The following TYRP1 variants were observed in gnomAD, a reference collection of about 807,000 sequenced individuals.
The protein encoded by TYRP1 is 5,6-dihydroxyindole-2-carboxylic acid oxidase.
A neutral mutation model predicts 42.8 loss-of-function variants in TYRP1; 49 were observed. The ratio of observed to expected loss-of-function variants is 1.14; its 90% CI spans 0.91 to 1.45. TYRP1 has a LOEUF of 1.45. Among genes scored for constraint, TYRP1 ranks in the 40% most tolerant of loss-of-function variants. The pLI is 0.00. For missense variants in TYRP1, 848 were observed against 662.0 expected (o/e 1.28, Z -3.08); for synonymous variants, 279 against 235.4 (o/e 1.19, Z -1.69).
chr9:12,707,003 C>G (rs537428463), intron 6 of TYRP1, among the ~76,000 whole-genome samples: 1 of 151,944 alleles, frequency 6.6e-6, no homozygotes, highest in South Asian at 2.1e-4. Context: ...TTACAGGTTC[C>G]TTTCATTAGA....
At chr9:12,698,144 T>C (rs1818106401) in intron 3 of TYRP1, among the ~76,000 whole-genome samples, 1 of 152,096 alleles carries the variant, frequency 6.6e-6, no homozygotes, top group South Asian at 2.1e-4. Flanking sequence ...ATAACCAATA[T>C]AAATGTAATT....
At chr9:12,699,979 C>T (rs927369272) in intron 4 of TYRP1, 11 of 152,080 alleles carry the variant, frequency 7.2e-5, no homozygotes, top group African/African-American at 2.4e-4. Context: ...AGTCTCCTAA[C>T]TCAGACACAT....
At chr9:12,702,832 CCAAA>C (rs1818194649) in intron 5 of TYRP1, among the ~76,000 whole-genome samples, 1 of 151,648 alleles carries the variant, frequency 6.6e-6, no homozygotes. Context: ...AAAAAAAATT[CCAAA>C]CAATTAGTTG....
chr9:12,708,728 G>GT (rs1818303072), intron 7 of TYRP1, among the ~76,000 whole-genome samples: 1 of 151,924 alleles, frequency 6.6e-6, no homozygotes, highest in South Asian at 2.1e-4. Context: ...AGTGACCTGG[G>GT]TAAGTGACTC....
chr9:12,702,298 A>G lies in TYRP1; in HGVS notation c.941A>G (p.Asn314Ser). 6.2e-7 allele frequency: 1 copy of G among 1,613,072 alleles called. No homozygotes were observed. ...ACCGAGGATGGGCCAATTAGGAGAA[A>G]TCCAGCTGGAAATGTGGCCAGACCA... ...NSTEDGPIRR[N>S]PAGNVARPMV... is the part of the protein sequence containing the mutation. Residue 314 changes from asparagine (N) to serine (S), a missense_variant, in exon 5 of 8, where the codon AAT becomes AGT. Transcript: ENST00000388918.
intron 4 of TYRP1, among the ~76,000 whole-genome samples, chr9:12,699,216 A>G (rs1818126717): frequency 6.6e-6 from 1 of 152,106 alleles, no homozygotes; most frequent in African/African-American, 2.4e-5. Flanking sequence ...GAACACAGTA[A>G]GAGTACGCCT....
chr9:12,698,943 C>T (rs973725846), intron 4 of TYRP1, among the ~76,000 whole-genome samples: 2 of 152,050 alleles, frequency 1.3e-5, no homozygotes, highest in Non-Finnish European at 2.9e-5. Flanking sequence ...GTTGTATAAA[C>T]TAATCCTCTT....
chr9:12,704,234 C>A (rs1818222112), intron 5 of TYRP1, among the ~76,000 whole-genome samples: 1 of 151,896 alleles, frequency 6.6e-6, no homozygotes, highest in Admixed American at 6.6e-5. Flanking sequence ...CAATGTCTGC[C>A]TTGTCAAATA....
chr9:12,707,893 T>C (rs1818284494), intron 6 of TYRP1, 104 bp from the exon 7 acceptor site: 1 of 1,144,982 alleles, frequency 8.7e-7, no homozygotes. Flanking sequence ...AAGAATAAAA[T>C]TTTTTCAGGT....
chr9:12,706,646 T>C (rs1490057854), intron 6 of TYRP1, among the ~76,000 whole-genome samples: 1 of 152,024 alleles, frequency 6.6e-6, no homozygotes. Flanking sequence ...TGTAAACACT[T>C]GCAAACTGCA....
chr9:12,694,619 C>T (rs1818047620), intron 2 of TYRP1: 2 of 564,290 alleles, frequency 3.5e-6, no homozygotes, highest in South Asian at 4.1e-5. Context: ...TGAGCAACCA[C>T]TATATCCTAG....
chr9:12,702,257 AT>A lies in TYRP1; in HGVS notation c.914-7del, dbSNP rs1434380708. 6.2e-7 allele frequency: 1 copy of A among 1,612,608 alleles called. No individual in the cohort carries two copies. Among genetic ancestry groups the A allele is most frequent in the Non-Finnish European group, 8.5e-7 (1 of 1,179,176 alleles). ...CATTGTGTAAATGTTTCCACATCCC[AT>A]TTTTTTCTGCAGGCACCGAGGATGG... is the stretch of plus-strand genomic sequence containing the variant. On this transcript the variant is annotated splice_polypyrimidine_tract_variant and intron_variant, in intron 4 of 7. Transcript: ENST00000388918.
intron 4 of TYRP1, among the ~76,000 whole-genome samples, chr9:12,699,561 T>C (rs147409227): frequency 1.4e-4 from 22 of 152,154 alleles, no homozygotes; most frequent in African/African-American, 5.3e-4. Flanking sequence ...AAATAAGAAA[T>C]ACTCTAAATA....
rs1276835325 is a variant in TYRP1, at chr9:12,694,014, C to T, written c.18C>T (p.Leu6=). Residue 6 remains leucine (L), a synonymous_variant, in exon 2 of 8, where the codon CTC becomes CTT. Coordinates refer to ENST00000388918, the MANE Select transcript of TYRP1 (RefSeq NM_000550.3). MSAPK[L]LSLGCIFFPL... ...CAAGCAGAATGAGTGCTCCTAAACT[C>T]CTCTCTCTGGGCTGTATCTTCTTCC... 2.4e-5 allele frequency: 38 copies of T among 1,613,892 alleles called. No individual in the cohort carries two copies. The highest frequency in any genetic ancestry group is 3.2e-5 in the Non-Finnish European group (38 of 1,180,008).
rs200211973 is a variant in TYRP1 at position 12,708,438 on chromosome 9, CT to C, written c.1408+296del. Among the ~76,000 whole-genome samples the C allele has an allele frequency of 6.3e-3, 956 of 152,004 alleles. 8 individuals carry two copies. Among genetic ancestry groups the C allele is most frequent in the Middle Eastern group, 0.014 (4 of 294 alleles). On this transcript the variant is annotated intron_variant, in intron 7 of 7. Coordinates refer to ENST00000388918, the MANE Select transcript of TYRP1 (RefSeq NM_000550.3). Reference sequence around the variant, plus strand: ...GGAAGCTGAGGCTTAAATAGGTTAACTGTTACAGATTCACATTTCTAATGAG... The same window carrying C: ...GGAAGCTGAGGCTTAAATAGGTTAACGTTACAGATTCACATTTCTAATGAG...
chr9:12,698,767 T>A (rs1234463464), intron 4 of TYRP1, 112 bp downstream of exon 4: 2 of 1,028,836 alleles, frequency 1.9e-6, no homozygotes, highest in African/African-American at 3.2e-5. Context: ...AAATCTACTT[T>A]TATTATAGAG....
intron 4 of TYRP1, among the ~76,000 whole-genome samples, chr9:12,701,025 AATT>A (rs1303491247): frequency 2.0e-5 from 3 of 151,946 alleles, no homozygotes; most frequent in East Asian, 3.9e-4. Context: ...GAAGTTGTAA[AATT>A]ATCTCTCACC....
At chr9:12,705,351 G>A (rs979006065) in intron 6 of TYRP1, among the ~76,000 whole-genome samples, 2 of 151,930 alleles carry the variant, frequency 1.3e-5, no homozygotes, top group African/African-American at 4.8e-5. Context: ...ATTTTCATAG[G>A]TTGAAAGCAT....
At chr9:12,699,213 G>A (rs1246163354) in intron 4 of TYRP1, among the ~76,000 whole-genome samples, 2 of 152,112 alleles carry the variant, frequency 1.3e-5, no homozygotes, top group African/African-American at 4.8e-5. Flanking sequence ...AGTGAACACA[G>A]TAAGAGTACG....
Sources: gnomAD v4.1 joint callset for allele counts (sites outside exome capture counted in the v4.1 genomes callset) on GRCh38, gnomAD v4.1.1 for gene constraint, MANE v1.5 for transcripts, NCBI Gene and HGNC (gene_info 2026-07-23, HGNC 2026-07-21) for gene names.